The following ACKR3 variants were observed in gnomAD, a reference collection of about 807,000 sequenced individuals.
ACKR3 encodes C-X-C chemokine receptor type 7.
A neutral mutation model predicts 22.4 loss-of-function variants in ACKR3; 6 were observed. That is an observed-to-expected ratio of 0.27 (90% CI 0.15 to 0.53). The LOEUF (loss-of-function observed/expected upper bound fraction) is 0.53, where lower values mean the gene tolerates loss of function less well. Ranked by LOEUF, ACKR3 falls within the 20% of genes least tolerant of loss-of-function variation. ACKR3 has a pLI of 0.96. For missense variants in ACKR3, 396 were observed against 475.2 expected, an observed-to-expected ratio of 0.83 and a Z score of 1.55; for synonymous variants, 209 against 205.2, an observed-to-expected ratio of 1.02 and a Z score of -0.16.
chr2:236,567,359 C>G (rs556927290), upstream of ACKR3, among the ~76,000 whole-genome samples: 1 of 152,280 alleles, frequency 6.6e-6, no homozygotes, highest in African/African-American at 2.4e-5. Context: ...TGCTTTCCTC[C>G]TATTCATCTA....
upstream of ACKR3, among the ~76,000 whole-genome samples, chr2:236,565,620 A>G (rs6744755): frequency 8.1e-3 from 1,238 of 152,302 alleles, 16 homozygotes; most frequent in African/African-American, 0.028. Context: ...TCATTTCTTT[A>G]TGAGGGCTCC....
chr2:236,566,766 T>TCCTTCCTTCCTTCCTTCC (rs1559469797), upstream of ACKR3, among the ~76,000 whole-genome samples: 2 of 149,234 alleles, frequency 1.3e-5, no homozygotes, highest in African/African-American at 5.0e-5. Context: ...CTTCCTTCCT[T>TCCTTCCTTCCTTCCTTCC]TTCTTTGCTA....
At position 236,581,865 on chromosome 2, in the gene ACKR3, A is replaced by C; in HGVS notation, c.*311A>C. The C allele has an allele frequency of 4.3e-6, 1 of 233,828 alleles. No homozygotes were observed. The highest frequency in any genetic ancestry group is 9.0e-6 in the Non-Finnish European group (1 of 110,544). The allele number at this position is 233,828 out of a possible 1,614,324, so 14.5% of individuals were successfully genotyped here. A position where few individuals can be genotyped will look rare whatever the true frequency, so the allele number is the denominator to read the frequency against. ...TTTCTGTGTTTCCTGAATTTTTTATATGGTGATTTGTATTTAAATTTTAAG... is the reference window on the plus strand; with the variant it reads ...TTTCTGTGTTTCCTGAATTTTTTATCTGGTGATTTGTATTTAAATTTTAAG... On this transcript the variant is annotated 3_prime_UTR_variant, in exon 2 of 2. Transcript: ENST00000272928. This position sits in a 1 kb window ranked among gnomAD's most constrained non-coding sequence, Gnocchi z 4.4.
At chr2:236,546,116 G>A in the ACKR3 span, among the ~76,000 whole-genome samples, 1 of 152,162 alleles carries the variant, frequency 6.6e-6, no homozygotes, top group Non-Finnish European at 1.5e-5. The surrounding 1 kb of genome is among the most constrained non-coding windows in gnomAD (Gnocchi z 4.9). Flanking sequence ...TTTTGCTCCC[G>A]TACCAGAATT....
At chr2:236,580,319 C>A in intron 1 of ACKR3, 121 bp from the exon 2 acceptor site, 2 of 1,034,410 alleles carry the variant, frequency 1.9e-6, no homozygotes, top group Non-Finnish European at 2.8e-6. Context: ...CATTACAGAG[C>A]TAAACCCAAA....
At chr2:236,564,592 GTT>G (rs532204731), upstream of ACKR3, among the ~76,000 whole-genome samples, 883 of 129,286 alleles carry the variant, frequency 6.8e-3, 10 homozygotes, top group African/African-American at 0.024. Flanking sequence ...TTCCTTCCTA[GTT>G]TTTTTTTTTT....
the ACKR3 span, among the ~76,000 whole-genome samples, chr2:236,554,134 C>G: frequency 6.6e-6 from 1 of 152,102 alleles, no homozygotes; most frequent in East Asian, 1.9e-4. Flanking sequence ...TGATATCTGC[C>G]CCTCTCCCTT....
chr2:236,553,329 TC>T, the ACKR3 span, among the ~76,000 whole-genome samples: 1 of 152,146 alleles, frequency 6.6e-6, no homozygotes, highest in Non-Finnish European at 1.5e-5. Flanking sequence ...GCTTGGCTCA[TC>T]ATATGTCCAA....
At chr2:236,554,964 G>A in the ACKR3 span, among the ~76,000 whole-genome samples, 1 of 152,196 alleles carries the variant, frequency 6.6e-6, no homozygotes, top group African/African-American at 2.4e-5. Flanking sequence ...TGTCAAGTTT[G>A]GAAGGGGCTG....
the ACKR3 span, among the ~76,000 whole-genome samples, chr2:236,539,922 TCATGAGATTTATTCACTAC>T: frequency 3.9e-5 from 6 of 152,170 alleles, no homozygotes; most frequent in African/African-American, 1.4e-4. Flanking sequence ...CCATCAGATC[TCATGAGATTTATTCACTAC>T]CATGAGAACA....
upstream of ACKR3, among the ~76,000 whole-genome samples, chr2:236,565,989 C>T (rs1472053918): frequency 6.6e-6 from 1 of 152,228 alleles, no homozygotes; most frequent in Non-Finnish European, 1.5e-5. Context: ...CTCAGGCCAG[C>T]GGCGCAGCTG....
upstream of ACKR3, chr2:236,567,825 C>G (rs1031212215): frequency 1.3e-5 from 2 of 152,578 alleles, no homozygotes; most frequent in Admixed American, 6.5e-5. Context: ...GCGCCTGGGC[C>G]GGGTGCCCGG....
At chr2:236,571,546 T>A (rs1426717103) in intron 1 of ACKR3, among the ~76,000 whole-genome samples, 2 of 146,392 alleles carry the variant, frequency 1.4e-5, no homozygotes, top group Non-Finnish European at 3.0e-5. Context: ...TAACAGCAAG[T>A]CGTTGAAGCG....
the ACKR3 span, among the ~76,000 whole-genome samples, chr2:236,549,551 G>A: frequency 6.6e-6 from 1 of 152,198 alleles, no homozygotes; most frequent in Non-Finnish European, 1.5e-5. This position sits in a 1 kb window ranked among gnomAD's most constrained non-coding sequence, Gnocchi z 5.3. Context: ...GTGGCCAGTA[G>A]TTTTTCAAGC....
the ACKR3 span, among the ~76,000 whole-genome samples, chr2:236,537,517 T>C: frequency 1.3e-5 from 2 of 152,214 alleles, no homozygotes; most frequent in Non-Finnish European, 2.9e-5. Context: ...TAATAATCCA[T>C]GACCCTGAAG....
In ACKR3 at chr2:236,580,557, C is replaced by T. The variant is rs756275061; in HGVS notation, c.92C>T (p.Thr31Met). Residue 31 changes from threonine (T) to methionine (M), a missense_variant, in exon 2 of 2, where the codon ACG becomes ATG. By Grantham distance (81) the Thr-to-Met change is moderately conservative. Coordinates refer to ENST00000272928, the MANE Select transcript of ACKR3 (RefSeq NM_020311.3). Reference sequence around the variant, plus strand: ...AGCAGCGACTGCATCGTGGTGGACACGGTGATGTGTCCCAACATGCCCAAC... The same window carrying T: ...AGCAGCGACTGCATCGTGGTGGACATGGTGATGTGTCCCAACATGCCCAAC... ...CNSSDCIVVDTVMCPNMPNKS... is the reference protein window; with the variant it reads ...CNSSDCIVVDMVMCPNMPNKS... The T allele has an allele frequency of 3.0e-5, 48 of 1,614,106 alleles. No individual in the cohort carries two copies. The highest frequency in any genetic ancestry group is 1.6e-4 in the Middle Eastern group (1 of 6,084).
At chr2:236,553,587 C>G in the ACKR3 span, among the ~76,000 whole-genome samples, 1 of 152,216 alleles carries the variant, frequency 6.6e-6, no homozygotes, top group Middle Eastern at 3.2e-3. Flanking sequence ...TGCAGAAGCA[C>G]CTGCGTAAAG....
chr2:236,542,186 A>T, the ACKR3 span, among the ~76,000 whole-genome samples: 8 of 152,202 alleles, frequency 5.3e-5, no homozygotes, highest in Non-Finnish European at 1.0e-4. Flanking sequence ...CTAACAAGAG[A>T]CAGATTGCAC....
chr2:236,541,557 T>C, the ACKR3 span, among the ~76,000 whole-genome samples: 2 of 152,240 alleles, frequency 1.3e-5, no homozygotes, highest in African/African-American at 4.8e-5. Context: ...ACGGGTTGCC[T>C]GTGTCCTAGC....
Sources: allele counts gnomAD v4.1 joint callset (sites outside exome capture counted in the v4.1 genomes callset), GRCh38; gene constraint gnomAD v4.1.1; non-coding constraint Gnocchi (gnomAD v3.1); transcripts MANE v1.5; gene names NCBI Gene and HGNC (gene_info 2026-07-23, HGNC 2026-07-21).